SLC1A7: variants seen among roughly 807,000 people sequenced by gnomAD.
SLC1A7 encodes excitatory amino acid transporter 5.
A neutral mutation model predicts 47.7 loss-of-function variants in SLC1A7; 40 were observed. That is an observed-to-expected ratio of 0.84 (90% CI 0.65 to 1.09). The LOEUF is 1.09. SLC1A7 is among the 50% of genes least tolerant of loss of function. The probability of loss-of-function intolerance (pLI) is 0.00; values close to 1 mark genes in which losing one functional copy is unlikely to be tolerated. For synonymous variants in SLC1A7, 323 were observed against 325.6 expected (o/e 0.99, Z 0.09); for missense variants, 746 against 769.5 (o/e 0.97, Z 0.36).
intron 4 of SLC1A7, among the ~76,000 whole-genome samples, chr1:53,104,772 C>T (rs566381035): frequency 8.7e-4 from 133 of 152,320 alleles, no homozygotes; most frequent in Non-Finnish European, 1.5e-3. Context: ...GGGCCCAGCC[C>T]AGGAAAGGGG....
At chr1:53,099,177 A>AAT (rs1644538444) in intron 5 of SLC1A7, among the ~76,000 whole-genome samples, 62 of 32,424 alleles carry the variant, frequency 1.9e-3, no homozygotes, top group Middle Eastern at 0.024. Flanking sequence ...GAGTCTTGGT[A>AAT]CACTCACATA....
intron 10 of SLC1A7, 85 bp downstream of exon 10, chr1:53,088,792 C>A: frequency 2.0e-6 from 2 of 982,422 alleles, no homozygotes. Context: ...TGGAGGCTGC[C>A]GAGCTGGTTG....
At chr1:53,124,447 G>A (rs1488937617) in intron 2 of SLC1A7, among the ~76,000 whole-genome samples, 2 of 152,184 alleles carry the variant, frequency 1.3e-5, no homozygotes, top group Non-Finnish European at 2.9e-5. Context: ...GAAGAATGAG[G>A]GGAGAGAAGG....
Position 53,087,855 on chromosome 1 carries a change from AT to A in SLC1A7, c.*153del. 2.3e-6 allele frequency: 1 copy of A among 430,976 alleles called. No individual in the cohort carries two copies. The allele number at this position is 430,976 out of a possible 1,614,324, so 26.7% of individuals were successfully genotyped here. On this transcript the variant is annotated 3_prime_UTR_variant, in exon 11 of 11. Coordinates refer to ENST00000371494, the MANE Select transcript of SLC1A7 (RefSeq NM_006671.6). ...GCAGCCTTTCCCTTCTCTGAGATACATTTTCCGTCAAGCGGGGTTAATTCCA... is the reference window on the plus strand; with the variant it reads ...GCAGCCTTTCCCTTCTCTGAGATACATTTCCGTCAAGCGGGGTTAATTCCA...
intron 2 of SLC1A7, among the ~76,000 whole-genome samples, chr1:53,127,224 TGA>T (rs1243844237): frequency 1.3e-5 from 2 of 152,122 alleles, no homozygotes; most frequent in African/African-American, 2.4e-5. Context: ...TCTTATTCAT[TGA>T]AAATGTATTG....
intron 1 of SLC1A7, among the ~76,000 whole-genome samples, chr1:53,137,699 T>A (rs1645015704): frequency 1.3e-5 from 2 of 152,218 alleles, no homozygotes; most frequent in African/African-American, 4.8e-5. Context: ...CACCCACTAA[T>A]TTCTTCCAAA....
At chr1:53,088,406 G>A (rs1012914834) in intron 10 of SLC1A7, among the ~76,000 whole-genome samples, 179 bp from the exon 11 acceptor site, 2 of 152,254 alleles carry the variant, frequency 1.3e-5, no homozygotes, top group South Asian at 2.1e-4. Context: ...GTTCCCAAGC[G>A]TCCTGCCTCC....
chr1:53,097,838 C>T (rs976294896), intron 5 of SLC1A7, among the ~76,000 whole-genome samples: 3 of 151,226 alleles, frequency 2.0e-5, no homozygotes, highest in African/African-American at 7.3e-5. Flanking sequence ...ATTCACACAA[C>T]CCACCTTGGT....
chr1:53,090,529 A>T, intron 8 of SLC1A7, 83 bp downstream of exon 8: 5 of 1,452,280 alleles, frequency 3.4e-6, no homozygotes, highest in Non-Finnish European at 4.5e-6. Flanking sequence ...CTCGCTTCAG[A>T]TACCCCTCAA....
At chr1:53,105,796 G>A (rs537574884) in intron 3 of SLC1A7, 22 bp from the exon 4 acceptor site, 16 of 1,611,462 alleles carry the variant, frequency 9.9e-6, no homozygotes, top group Non-Finnish European at 1.4e-5. Flanking sequence ...ATCAGCAATT[G>A]AAAAATTCCA....
In SLC1A7 at chr1:53,134,482, G is replaced by A. The variant is rs1644971655; in HGVS notation, c.136-53C>T. On this transcript the variant is annotated intron_variant, in intron 1 of 10. Transcript: ENST00000371494. ...TAGCAAGAGATGCAGACTGCACAGT[G>A]GTTCCGTTCTTCACAGTCTTTGAAG... 102 of 1,206,890 alleles carry A rather than the reference G, an allele frequency of 8.5e-5. 1 individual carries two copies. In the South Asian group the frequency reaches 1.3e-3, roughly 15 times the overall value. The allele number at this position is 1,206,890 out of a possible 1,614,324, so 74.8% of individuals were successfully genotyped here.
chr1:53,091,341 A>C (rs1474653907), intron 7 of SLC1A7, among the ~76,000 whole-genome samples: 1 of 152,176 alleles, frequency 6.6e-6, no homozygotes, highest in Admixed American at 6.5e-5. Context: ...GCTGGGACTA[A>C]AACAGGCCGG....
intron 9 of SLC1A7, among the ~76,000 whole-genome samples, chr1:53,089,311 C>T (rs1414500700): frequency 6.6e-6 from 1 of 152,226 alleles, no homozygotes; most frequent in Admixed American, 6.5e-5. Flanking sequence ...GTCACTCAGG[C>T]TGGAGTGCAG....
intron 10 of SLC1A7, 90 bp downstream of exon 10, chr1:53,088,787 G>A: frequency 1.1e-6 from 1 of 897,136 alleles, no homozygotes; most frequent in Non-Finnish European, 1.8e-6. Context: ...TTGGCTGGAG[G>A]CTGCCGAGCT....
intron 1 of SLC1A7, among the ~76,000 whole-genome samples, chr1:53,136,016 G>A (rs1644988957): frequency 6.6e-6 from 1 of 151,902 alleles, no homozygotes; most frequent in African/African-American, 2.4e-5. Context: ...GATAGATGAG[G>A]AAGCTGAACC....
chr1:53,094,714 C>T (rs112734459), intron 5 of SLC1A7, among the ~76,000 whole-genome samples: 1,645 of 152,302 alleles, frequency 0.011, 26 homozygotes, highest in African/African-American at 0.036. Flanking sequence ...CAGACCCAGA[C>T]TCCCCTGCCG....
chr1:53,115,198 C>T, intron 2 of SLC1A7: 4 of 589,832 alleles, frequency 6.8e-6, no homozygotes, highest in Non-Finnish European at 1.2e-5. Flanking sequence ...CTTGAGACCT[C>T]TGCACTGCTA....
At chr1:53,099,980 A>G (rs1557672325) in intron 5 of SLC1A7, among the ~76,000 whole-genome samples, 4 of 149,166 alleles carry the variant, frequency 2.7e-5, no homozygotes, top group African/African-American at 1.0e-4. Flanking sequence ...ATCTCAGTAC[A>G]CTCACACACT....
intron 2 of SLC1A7, among the ~76,000 whole-genome samples, chr1:53,126,668 G>A (rs931654391): frequency 2.0e-5 from 3 of 152,202 alleles, no homozygotes; most frequent in Non-Finnish European, 2.9e-5. Context: ...TCGGGGGACA[G>A]GCCCAACCAG....
Sources: gnomAD v4.1 joint callset for allele counts (sites outside exome capture counted in the v4.1 genomes callset) on GRCh38, gnomAD v4.1.1 for gene constraint, MANE v1.5 for transcripts, NCBI Gene and HGNC (gene_info 2026-07-23, HGNC 2026-07-21) for gene names.